Variants in LMNTD1 observed in about 807,000 individuals in gnomAD.
LMNTD1 encodes lamin tail domain containing 1, also known as lamin tail domain-containing protein 1.
LMNTD1 carries 35 observed loss-of-function variants against 50.9 expected under a neutral mutation model. That is an observed-to-expected ratio of 0.69 (90% confidence interval 0.53 to 0.91). The LOEUF is 0.91. Among genes scored for constraint, LMNTD1 ranks in the 40% least tolerant of loss-of-function variants. The pLI, the probability that LMNTD1 is intolerant of heterozygous loss-of-function variation, is 0.00. For missense variants in LMNTD1, 470 were observed against 475.5 expected (o/e 0.99, Z 0.11); for synonymous variants, 153 against 161.9 (o/e 0.94, Z 0.42).
At chr12:25,640,801 T>A (rs1438475828) in intron 1 of LMNTD1, among the ~76,000 whole-genome samples, 2 of 152,096 alleles carry the variant, frequency 1.3e-5, no homozygotes, top group Non-Finnish European at 2.9e-5. Flanking sequence ...TAGCTGGGAC[T>A]ACAGGTGCCC....
chr12:25,545,857 T>A (rs1943395953), intron 4 of LMNTD1, among the ~76,000 whole-genome samples: 1 of 151,688 alleles, frequency 6.6e-6, no homozygotes, highest in Non-Finnish European at 1.5e-5. Context: ...AAATTCAGTA[T>A]GTTGTTCATG....
chr12:25,552,415 A>C (rs1565472162), intron 2 of LMNTD1, among the ~76,000 whole-genome samples: 1 of 151,686 alleles, frequency 6.6e-6, no homozygotes, highest in African/African-American at 2.4e-5. Context: ...TCAGGAGATC[A>C]AGACCACGGT....
intron 4 of LMNTD1, among the ~76,000 whole-genome samples, chr12:25,535,500 A>C (rs1942518267): frequency 6.6e-6 from 1 of 152,158 alleles, no homozygotes; most frequent in African/African-American, 2.4e-5. Flanking sequence ...AAATTTGAAG[A>C]AATTTACACC....
At chr12:25,555,902 T>C (rs1944019863), upstream of LMNTD1, among the ~76,000 whole-genome samples, 1 of 150,794 alleles carries the variant, frequency 6.6e-6, no homozygotes, top group African/African-American at 2.4e-5. Context: ...CTGTGTCTGC[T>C]CAGGAAGGAG....
At chr12:25,564,259 T>C (rs1196888447) in intron 1 of LMNTD1, among the ~76,000 whole-genome samples, 1 of 152,166 alleles carries the variant, frequency 6.6e-6, no homozygotes, top group South Asian at 2.1e-4. Flanking sequence ...TATTCGGCCA[T>C]CTTGGAACCT....
chr12:25,507,569 C>A (rs1939899460), intron 8 of LMNTD1, among the ~76,000 whole-genome samples: 1 of 152,210 alleles, frequency 6.6e-6, no homozygotes, highest in Non-Finnish European at 1.5e-5. Context: ...CTCATGGCTT[C>A]ATCTCTCAGT....
At chr12:25,554,681 T>A (rs1286742223), upstream of LMNTD1, among the ~76,000 whole-genome samples, 1 of 152,178 alleles carries the variant, frequency 6.6e-6, no homozygotes, top group Non-Finnish European at 1.5e-5. Context: ...ATGCTAGACT[T>A]TCCACAATGT....
rs1409563171 is a variant in LMNTD1, at chr12:25,488,229, T to C, written c.*23-11769A>G. ...CCTGGATAATATCCTGCAGAGTGTT[T>C]TCCACCTTGGTTCCATTCTCCCCAT... On this transcript the variant is annotated intron_variant, in intron 9 of 9. Coordinates refer to ENST00000458174, the MANE Select transcript of LMNTD1 (RefSeq NM_001145728.2). Among the ~76,000 whole-genome samples, 3 of 135,498 alleles carry C rather than the reference T, an allele frequency of 2.2e-5. No homozygotes were observed. The East Asian group carries it at 6.6e-4, about 30-fold the overall frequency. 88.9% of individuals were successfully genotyped at this position (135,498 alleles called of 152,430 possible).
chr12:25,554,751 C>A (rs965573905), upstream of LMNTD1, among the ~76,000 whole-genome samples: 26 of 152,136 alleles, frequency 1.7e-4, no homozygotes, highest in African/African-American at 6.3e-4. Context: ...TCTAGGCATT[C>A]ATGCAGGTGA....
intron 3 of LMNTD1, 22 bp from the exon 4 acceptor site, chr12:25,546,576 G>A: frequency 1.4e-6 from 2 of 1,441,388 alleles, no homozygotes; most frequent in African/African-American, 1.4e-5. Context: ...ACAGAAGAAA[G>A]AAGTAACCAG....
At chr12:25,510,671 T>C (rs1397400128) in intron 8 of LMNTD1, among the ~76,000 whole-genome samples, 2 of 152,160 alleles carry the variant, frequency 1.3e-5, no homozygotes, top group East Asian at 3.8e-4. Context: ...TATTTTTTTC[T>C]AGATTTGGGG....
chr12:25,491,453 A>C (rs999098266), intron 9 of LMNTD1, among the ~76,000 whole-genome samples: 2 of 152,242 alleles, frequency 1.3e-5, no homozygotes, highest in Non-Finnish European at 2.9e-5. Flanking sequence ...TTGATGGAGC[A>C]ACGTAACGTG....
intron 8 of LMNTD1, 127 bp from the exon 9 acceptor site, chr12:25,503,927 A>C: frequency 3.7e-6 from 2 of 547,252 alleles, no homozygotes; most frequent in Non-Finnish European, 3.2e-6. Context: ...CTAACAACAA[A>C]AGGATTTTCT....
chr12:25,482,620 G>C (rs913471558), intron 9 of LMNTD1, among the ~76,000 whole-genome samples: 1 of 151,900 alleles, frequency 6.6e-6, no homozygotes, highest in South Asian at 2.1e-4. Context: ...GAAACAAGTG[G>C]CTGCTCCTAA....
intron 1 of LMNTD1, among the ~76,000 whole-genome samples, chr12:25,631,401 C>A (rs1194607019): frequency 6.6e-6 from 1 of 151,464 alleles, no homozygotes; most frequent in African/African-American, 2.4e-5. Flanking sequence ...TTGCACCCAC[C>A]CCTTGCCACC....
intron 4 of LMNTD1, among the ~76,000 whole-genome samples, chr12:25,529,218 A>T (rs1044967039): frequency 3.3e-5 from 5 of 152,040 alleles, no homozygotes; most frequent in African/African-American, 1.2e-4. Context: ...CGCATCTCCC[A>T]GATGTTGATC....
At chr12:25,633,858 A>T (rs930172713) in intron 1 of LMNTD1, among the ~76,000 whole-genome samples, 2 of 152,254 alleles carry the variant, frequency 1.3e-5, no homozygotes, top group Non-Finnish European at 2.9e-5. Flanking sequence ...GAAACAAAAA[A>T]ATTACAAAAG....
chr12:25,519,586 TCAAAAAAA>T (rs1483297667), intron 7 of LMNTD1, among the ~76,000 whole-genome samples: 2 of 74,956 alleles, frequency 2.7e-5, no homozygotes, highest in African/African-American at 6.5e-5. Context: ...AGACTCTGTC[TCAAAAAAA>T]AAAAAAAAAA....
At position 25,526,156 on chromosome 12, in the gene LMNTD1, T is replaced by G; in HGVS notation, c.741A>C (p.Gln247His). Residue 247 changes from glutamine to histidine, a missense_variant, in exon 6 of 10, where the codon CAA becomes CAC. Coordinates refer to ENST00000458174, the MANE Select transcript of LMNTD1 (RefSeq NM_001145728.2). Reference sequence around the variant, plus strand: ...AATCAGGACTTGCTCTAAACTTGTCTTGTTCCTTCCAAAGAAAATCTGATG... The same window carrying G: ...AATCAGGACTTGCTCTAAACTTGTCGTGTTCCTTCCAAAGAAAATCTGATG... ...QPPSDFLWKE[Q>H]DKFRASPDCI... is the part of the protein sequence containing the mutation. 6.2e-7 allele frequency: 1 copy of G among 1,611,500 alleles called. No homozygotes were observed. The highest frequency in any genetic ancestry group is 1.1e-5 in the South Asian group (1 of 90,828).
Sources: allele counts gnomAD v4.1 joint callset (sites outside exome capture counted in the v4.1 genomes callset), GRCh38; gene constraint gnomAD v4.1.1; transcripts MANE v1.5; gene names NCBI Gene and HGNC (gene_info 2026-07-23, HGNC 2026-07-21).